The following KAZN variants were observed in gnomAD, a reference collection of about 807,000 sequenced individuals.
The protein encoded by KAZN is kazrin.
In KAZN, 40 loss-of-function variants were observed where a neutral mutation model predicts 87.4. That is an observed-to-expected ratio of 0.46 (90% CI 0.36 to 0.60). The LOEUF (loss-of-function observed/expected upper bound fraction) is 0.60, where lower values mean the gene tolerates loss of function less well. Ranked by LOEUF, KAZN falls within the 20% of genes least tolerant of loss-of-function variation. The pLI is 0.00. For synonymous variants in KAZN, 466 were observed against 458.3 expected, an observed-to-expected ratio of 1.02 and a Z score of -0.22; for missense variants, 898 against 1,073.9, an observed-to-expected ratio of 0.84 and a Z score of 2.29.
intron 1 of KAZN, among the ~76,000 whole-genome samples, chr1:14,872,697 C>T (rs1652271372): frequency 6.6e-6 from 1 of 152,182 alleles, no homozygotes; most frequent in Non-Finnish European, 1.5e-5. Context: ...TAATGGATCT[C>T]TCATGAACCT....
intron 5 of KAZN, among the ~76,000 whole-genome samples, chr1:15,059,278 G>A (rs1206735763): frequency 2.6e-5 from 4 of 152,166 alleles, no homozygotes; most frequent in Non-Finnish European, 2.9e-5. Context: ...ACAGGGTAGG[G>A]AGAGCTGATT....
chr1:14,409,445 G>A (rs1454222208), intron 2 of KAZN, among the ~76,000 whole-genome samples: 2 of 152,176 alleles, frequency 1.3e-5, no homozygotes, highest in South Asian at 2.1e-4. Flanking sequence ...GTTCCTTGAT[G>A]TAGATTCTGT....
At chr1:14,219,069 ACT>A (rs1224103352) in intron 2 of KAZN, among the ~76,000 whole-genome samples, 1 of 152,254 alleles carries the variant, frequency 6.6e-6, no homozygotes, top group Admixed American at 6.5e-5. Context: ...ATAGTAAGAA[ACT>A]CTATAGGACA....
chr1:14,364,462 GTTA>G (rs1041821439), intron 2 of KAZN, among the ~76,000 whole-genome samples: 1 of 152,110 alleles, frequency 6.6e-6, no homozygotes, highest in Non-Finnish European at 1.5e-5. Context: ...GTTCACTACT[GTTA>G]TTATTCATCT....
chr1:14,609,252 A>G (rs1042679425), intron 1 of KAZN, among the ~76,000 whole-genome samples: 17 of 152,204 alleles, frequency 1.1e-4, no homozygotes, highest in African/African-American at 4.1e-4. Flanking sequence ...CTTGGGTGCC[A>G]TTTTGTGTGG....
chr1:14,800,221 C>T (rs137884436), intron 1 of KAZN, among the ~76,000 whole-genome samples: 9 of 152,312 alleles, frequency 5.9e-5, no homozygotes, highest in African/African-American at 2.2e-4. Context: ...GACTCAGCAA[C>T]TCCATTCCTA....
chr1:14,164,832 C>T (rs1397439577), intron 1 of KAZN, among the ~76,000 whole-genome samples: 1 of 152,104 alleles, frequency 6.6e-6, no homozygotes, highest in Non-Finnish European at 1.5e-5. Context: ...AGCCACCGTG[C>T]CCGGCCAAGT....
intron 1 of KAZN, among the ~76,000 whole-genome samples, chr1:14,014,525 T>C (rs1168705548): frequency 1.3e-5 from 2 of 152,090 alleles, no homozygotes; most frequent in Non-Finnish European, 2.9e-5. Context: ...CAAGAGTCCC[T>C]TGGGTCAAAT....
At chr1:14,412,972 AAT>A (rs1195911621) in intron 2 of KAZN, among the ~76,000 whole-genome samples, 1 of 148,526 alleles carries the variant, frequency 6.7e-6, no homozygotes, top group East Asian at 1.9e-4. Flanking sequence ...AAAATGTATA[AAT>A]ATATAAAATA....
At chr1:14,367,985 C>T (rs963608594) in intron 2 of KAZN, among the ~76,000 whole-genome samples, 1 of 152,180 alleles carries the variant, frequency 6.6e-6, no homozygotes, top group Admixed American at 6.5e-5. Context: ...AGTGGGATAG[C>T]GAGAGCTTGA....
intron 1 of KAZN, among the ~76,000 whole-genome samples, chr1:14,921,569 C>T (rs1658527136): frequency 6.6e-6 from 1 of 152,242 alleles, no homozygotes; most frequent in Admixed American, 6.5e-5. Context: ...CAACAATCTA[C>T]AGCCTCCTCT....
intron 1 of KAZN, among the ~76,000 whole-genome samples, chr1:14,884,147 A>G (rs972195090): frequency 6.6e-6 from 1 of 152,166 alleles, no homozygotes; most frequent in Non-Finnish European, 1.5e-5. Flanking sequence ...TAATCCCAGC[A>G]CTTTGGGAGG....
chr1:15,086,467 T>C (rs1183532099), intron 8 of KAZN, among the ~76,000 whole-genome samples: 1 of 152,198 alleles, frequency 6.6e-6, no homozygotes, highest in East Asian at 1.9e-4. Context: ...TTTCTTCAGA[T>C]AGGCAAAAGT....
At chr1:14,158,518 G>A (rs1260472615) in intron 1 of KAZN, among the ~76,000 whole-genome samples, 1 of 152,008 alleles carries the variant, frequency 6.6e-6, no homozygotes, top group African/African-American at 2.4e-5. Flanking sequence ...CCTTCTCTGT[G>A]TTATCTTGAA....
chr1:14,056,229 G>A (rs1642548963), intron 1 of KAZN, among the ~76,000 whole-genome samples: 2 of 152,196 alleles, frequency 1.3e-5, no homozygotes, highest in Non-Finnish European at 2.9e-5. Context: ...TACTTTACAT[G>A]GCAGACGAGC....
chr1:14,427,945 C>T (rs1446975310), intron 2 of KAZN, among the ~76,000 whole-genome samples: 1 of 152,164 alleles, frequency 6.6e-6, no homozygotes, highest in Non-Finnish European at 1.5e-5. Context: ...GGATTTCTTT[C>T]AGGCTGACGA....
intron 2 of KAZN, among the ~76,000 whole-genome samples, chr1:14,450,718 C>A (rs1182476441): frequency 6.6e-6 from 1 of 152,110 alleles, no homozygotes; most frequent in African/African-American, 2.4e-5. Context: ...TTTACAAACC[C>A]CGGACATCAA....
intron 2 of KAZN, among the ~76,000 whole-genome samples, chr1:14,592,292 T>C (rs973298780): frequency 2.6e-5 from 4 of 152,162 alleles, no homozygotes; most frequent in Admixed American, 2.0e-4. Flanking sequence ...AGGACAGATA[T>C]GATCCAGAAA....
chr1:13,973,580 G>A (rs947363155), intron 1 of KAZN, among the ~76,000 whole-genome samples: 7 of 152,206 alleles, frequency 4.6e-5, no homozygotes, highest in Admixed American at 3.9e-4. Context: ...CAGGCCTACG[G>A]TGTTACCAGC....
Sources: allele counts gnomAD v4.1 joint callset (sites outside exome capture counted in the v4.1 genomes callset), GRCh38; gene constraint gnomAD v4.1.1; transcripts MANE v1.5; gene names NCBI Gene and HGNC (gene_info 2026-07-23, HGNC 2026-07-21).